Variants in VEPH1 observed in about 807,000 individuals in gnomAD.
The protein encoded by VEPH1 is ventricular zone expressed PH domain containing 1.
In VEPH1, 80 loss-of-function variants were observed where a neutral mutation model predicts 85.2. That is an observed-to-expected ratio of 0.94 (90% CI 0.78 to 1.13). The LOEUF is 1.13. Ranked by LOEUF, VEPH1 falls within the 50% of genes most tolerant of loss-of-function variation. The pLI is 0.00. For synonymous variants in VEPH1, 297 were observed against 348.0 expected (o/e 0.85, Z 1.63); for missense variants, 955 against 980.5 (o/e 0.97, Z 0.35).
intron 7 of VEPH1, 79 bp from the exon 8 acceptor site, chr3:157,364,591 TCTCA>T (rs1726428018): frequency 7.4e-7 from 1 of 1,357,182 alleles, no homozygotes; most frequent in Non-Finnish European, 1.0e-6. Context: ...TTTAACTGCC[TCTCA>T]CTCAGAAGCA....
intron 4 of VEPH1, chr3:157,437,639 A>C: frequency 6.4e-7 from 1 of 1,551,446 alleles, no homozygotes; most frequent in Non-Finnish European, 8.7e-7. Context: ...GGCGAGCTGC[A>C]GAGGCTGCGG....
intron 2 of VEPH1, among the ~76,000 whole-genome samples, chr3:157,481,370 C>A (rs1738031782): frequency 7.2e-6 from 1 of 138,484 alleles, no homozygotes; most frequent in Middle Eastern, 3.5e-3. Flanking sequence ...CAATTCCTAT[C>A]AAATTACCAA....
At chr3:157,479,413 A>G (rs1454571338) in intron 2 of VEPH1, among the ~76,000 whole-genome samples, 1 of 152,054 alleles carries the variant, frequency 6.6e-6, no homozygotes, top group African/African-American at 2.4e-5. Context: ...AGGATGGTTC[A>G]CTCTCACTCA....
chr3:157,348,515 A>AT (rs776288313), intron 9 of VEPH1, among the ~76,000 whole-genome samples: 4 of 152,042 alleles, frequency 2.6e-5, no homozygotes, highest in Non-Finnish European at 5.9e-5. Context: ...GATGTTGAAC[A>AT]TTTTTTATAT....
intron 1 of VEPH1, among the ~76,000 whole-genome samples, chr3:157,502,944 A>G (rs1740229532): frequency 6.6e-6 from 1 of 152,248 alleles, no homozygotes; most frequent in South Asian, 2.1e-4. Context: ...AAACAAAAGT[A>G]TAAAATAGAA....
intron 5 of VEPH1, among the ~76,000 whole-genome samples, chr3:157,418,290 T>C (rs1372445875): frequency 1.3e-5 from 2 of 152,134 alleles, no homozygotes; most frequent in African/African-American, 2.4e-5. Context: ...ATAGAGTTAG[T>C]CACTTCCTCT....
At chr3:157,476,157 C>G (rs1323081659) in intron 2 of VEPH1, among the ~76,000 whole-genome samples, 1 of 152,192 alleles carries the variant, frequency 6.6e-6, no homozygotes, top group African/African-American at 2.4e-5. Flanking sequence ...GCATCACCCA[C>G]CACTGCCTTG....
At chr3:157,456,451 C>T (rs192972261) in intron 4 of VEPH1, among the ~76,000 whole-genome samples, 252 of 152,116 alleles carry the variant, frequency 1.7e-3, no homozygotes, top group Non-Finnish European at 3.0e-3. Context: ...TTGCACATTC[C>T]TATGTCCAGA....
intron 12 of VEPH1, among the ~76,000 whole-genome samples, chr3:157,278,756 G>A (rs777753159): frequency 1.3e-4 from 20 of 152,224 alleles, no homozygotes; most frequent in Non-Finnish European, 2.6e-4. Flanking sequence ...GATTGGATGG[G>A]GGTGGTGGAG....
chr3:157,278,484 A>G (rs9856588), intron 12 of VEPH1, among the ~76,000 whole-genome samples: 7,311 of 152,292 alleles, frequency 0.048, 233 homozygotes, highest in South Asian at 0.085. Context: ...CGTGAAGGAT[A>G]TGTTATGAAG....
chr3:157,412,955 C>G (rs575709190), intron 6 of VEPH1, among the ~76,000 whole-genome samples: 41 of 152,264 alleles, frequency 2.7e-4, no homozygotes, highest in Non-Finnish European at 4.6e-4. Flanking sequence ...GTTACTCACT[C>G]AATCTGAGTT....
At chr3:157,496,064 A>G (rs745464951) in intron 1 of VEPH1, among the ~76,000 whole-genome samples, 1 of 152,206 alleles carries the variant, frequency 6.6e-6, no homozygotes, top group Non-Finnish European at 1.5e-5. Context: ...TACGTACTCT[A>G]TAATCAAGTA....
chr3:157,399,635 T>C (rs1730666829), intron 6 of VEPH1, among the ~76,000 whole-genome samples: 1 of 152,152 alleles, frequency 6.6e-6, no homozygotes, highest in Non-Finnish European at 1.5e-5. Context: ...AAAATTTCAT[T>C]CTTTAAAAAG....
At chr3:157,302,827 C>T (rs1038858932) in intron 11 of VEPH1, among the ~76,000 whole-genome samples, 1 of 152,186 alleles carries the variant, frequency 6.6e-6, no homozygotes, top group Non-Finnish European at 1.5e-5. Flanking sequence ...AGTCTCCACT[C>T]TCCCCTTTGT....
chr3:157,438,065 A>T, intron 4 of VEPH1: 1 of 742,358 alleles, frequency 1.3e-6, no homozygotes, highest in Non-Finnish European at 2.1e-6. Context: ...ACACACACAC[A>T]CACACACCCC....
At chr3:157,415,531 T>TA (rs776766552) in intron 5 of VEPH1, among the ~76,000 whole-genome samples, 3 of 152,142 alleles carry the variant, frequency 2.0e-5, no homozygotes, top group African/African-American at 4.8e-5. Flanking sequence ...AACAGCCTCC[T>TA]AACAGGTCTC....
intron 7 of VEPH1, among the ~76,000 whole-genome samples, chr3:157,364,796 A>G (rs1031742836): frequency 6.6e-6 from 1 of 152,226 alleles, no homozygotes; most frequent in Non-Finnish European, 1.5e-5. Flanking sequence ...CATGTACCAT[A>G]TTCTTTTTTA....
rs1051032206 is a variant in VEPH1 at position 157,380,984 on chromosome 3, T to C, written c.1127+172A>G. On this transcript the variant is annotated intron_variant, in intron 7 of 13. Transcript: ENST00000362010. ...ATTTATTGTTTTGTTACATTCTGGT[T>C]TTCACACATTTAGAAGAAAGATTCT... The C allele has an allele frequency of 7.6e-6, 5 of 654,914 alleles. No homozygotes were observed. The African/African-American group carries it at 9.1e-5, about 12-fold the overall frequency. 40.6% of individuals were successfully genotyped at this position (654,914 alleles called of 1,614,324 possible).
Position 157,267,121 on chromosome 3 carries a change from C to A in VEPH1, c.2129-1459G>T, listed in dbSNP as rs1454154413. ...TTTTTTCTTTTTTTTTTTTTTTTGA[C>A]AGTTTACTCTGTCACCGAGGCTGGA... On this transcript the variant is annotated intron_variant, in intron 12 of 13. Transcript: ENST00000362010. Among the ~76,000 whole-genome samples, 49 of 74,824 alleles carry A rather than the reference C, an allele frequency of 6.5e-4. No individual in the cohort carries two copies. In the South Asian group the frequency reaches 0.018, roughly 28 times the overall value. The allele number at this position is 74,824 out of a possible 152,430, so 49.1% of individuals were successfully genotyped here. A position where few individuals can be genotyped will look rare whatever the true frequency, so the allele number is the denominator to read the frequency against.
Sources: gnomAD v4.1 joint callset for allele counts (sites outside exome capture counted in the v4.1 genomes callset) on GRCh38, gnomAD v4.1.1 for gene constraint, MANE v1.5 for transcripts, NCBI Gene and HGNC (gene_info 2026-07-23, HGNC 2026-07-21) for gene names.